The following HTR2C variants were observed in gnomAD, a reference collection of about 807,000 sequenced individuals.
HTR2C encodes 5-hydroxytryptamine receptor 2C.
HTR2C carries 5 observed loss-of-function variants against 21.0 expected under a neutral mutation model. The ratio of observed to expected loss-of-function variants is 0.24; its 90% CI spans 0.12 to 0.50. The LOEUF is 0.50. Ranked by LOEUF, HTR2C falls within the 20% of genes least tolerant of loss-of-function variation. The probability of loss-of-function intolerance (pLI) is 0.98; values close to 1 mark genes in which losing one functional copy is unlikely to be tolerated. For missense variants in HTR2C, 271 were observed against 371.2 expected, an observed-to-expected ratio of 0.73 and a Z score of 2.22; for synonymous variants, 150 against 145.3, an observed-to-expected ratio of 1.03 and a Z score of -0.23.
chrX:114,692,260 T>A (rs781799352), intron 2 of HTR2C, among the ~76,000 whole-genome samples: 24 of 111,919 alleles, frequency 2.1e-4, no homozygotes, highest in Non-Finnish European at 2.8e-4. Context: ...TCAGAAATAC[T>A]TATTCCTGCC....
At chrX:114,605,570 A>G (rs1928377235) in intron 1 of HTR2C, among the ~76,000 whole-genome samples, 1 of 111,372 alleles carries the variant, frequency 9.0e-6, no homozygotes, top group Admixed American at 9.6e-5. Context: ...TTTTATGACA[A>G]GAATTATTTA....
chrX:114,852,589 C>A (rs1188217961), intron 5 of HTR2C, among the ~76,000 whole-genome samples: 2 of 111,568 alleles, frequency 1.8e-5, no homozygotes, highest in Non-Finnish European at 1.9e-5. Context: ...ATGCACCCAA[C>A]TTTATCATGT....
chrX:114,608,811 C>T (rs1394382335), intron 1 of HTR2C, among the ~76,000 whole-genome samples: 1 of 111,554 alleles, frequency 9.0e-6, no homozygotes, highest in Non-Finnish European at 1.9e-5. Flanking sequence ...AATTTCTAGT[C>T]CATTTCTTTC....
chrX:114,664,270 CATATGCAA>C (rs1263182105), intron 2 of HTR2C, among the ~76,000 whole-genome samples: 2 of 111,658 alleles, frequency 1.8e-5, no homozygotes, highest in African/African-American at 6.5e-5. Flanking sequence ...AAGTTTGTTA[CATATGCAA>C]ATATGTGCTA....
In HTR2C at chrX:114,865,702, T is replaced by G. The variant is rs1417233194; in HGVS notation, c.550+17499T>G. Among the ~76,000 whole-genome samples the G allele has an allele frequency of 5.4e-5, 6 of 112,067 alleles. No individual in the cohort carries two copies. The Admixed American group carries it at 5.7e-4, about 11-fold the overall frequency. ...AGGGTAAAAGTGTCTGGTTGATTAT[T>G]TTTCTCATTTTTATTAGATTGTTTG... On this transcript the variant is annotated intron_variant, in intron 5 of 5. Transcript: ENST00000276198.
intron 4 of HTR2C, among the ~76,000 whole-genome samples, chrX:114,749,453 C>CAAAAAAAAAAAAAAAAAAAAAAAA (rs782652879): frequency 2.4e-5 from 1 of 41,900 alleles, no homozygotes; most frequent in Non-Finnish European, 3.7e-5. Flanking sequence ...GTCCATGTCT[C>CAAAAAAAAAAAAAAAAAAAAAAAA]AAAAAAAAAA....
At chrX:114,845,558 A>G (rs782497422) in intron 4 of HTR2C, among the ~76,000 whole-genome samples, 8 of 111,442 alleles carry the variant, frequency 7.2e-5, no homozygotes, top group Non-Finnish European at 1.1e-4. Context: ...ATATAAGGAC[A>G]ATTAATAAAA....
intron 5 of HTR2C, among the ~76,000 whole-genome samples, chrX:114,879,420 AC>A (rs2071163589): frequency 9.1e-6 from 1 of 109,420 alleles, no homozygotes; most frequent in Non-Finnish European, 1.9e-5. Flanking sequence ...TCTTATGAAA[AC>A]TTTTTATCTA....
chrX:114,778,327 A>C (rs986519134), intron 4 of HTR2C, among the ~76,000 whole-genome samples: 1 of 111,745 alleles, frequency 8.9e-6, no homozygotes, highest in African/African-American at 3.3e-5. Flanking sequence ...TGAGGGTTAG[A>C]GGTTAAGCTC....
intron 2 of HTR2C, among the ~76,000 whole-genome samples, chrX:114,666,972 T>G (rs782215743): frequency 4.5e-5 from 5 of 111,185 alleles, no homozygotes; most frequent in Admixed American, 9.7e-5. Flanking sequence ...ATATTCATTT[T>G]CTACTATATT....
intron 2 of HTR2C, among the ~76,000 whole-genome samples, chrX:114,723,577 T>C (rs1252396383): frequency 9.2e-6 from 1 of 108,322 alleles, no homozygotes; most frequent in African/African-American, 3.3e-5. Flanking sequence ...GTGTTTGCTC[T>C]TGCTTTTCTA....
intron 2 of HTR2C, among the ~76,000 whole-genome samples, chrX:114,693,579 C>T (rs1556415393): frequency 9.0e-6 from 1 of 111,535 alleles, no homozygotes; most frequent in African/African-American, 3.3e-5. Context: ...TTGTCCTGTG[C>T]ACTGCAGGTT....
intron 4 of HTR2C, among the ~76,000 whole-genome samples, chrX:114,828,283 G>A (rs1465045268): frequency 9.0e-6 from 1 of 110,682 alleles, no homozygotes; most frequent in Non-Finnish European, 1.9e-5. Context: ...CAAGCTTTCA[G>A]TTGGTTCTTT....
intron 1 of HTR2C, among the ~76,000 whole-genome samples, chrX:114,601,108 C>A (rs1390792862): frequency 8.9e-6 from 1 of 112,015 alleles, no homozygotes; most frequent in Non-Finnish European, 1.9e-5. Flanking sequence ...GAAACTGTCA[C>A]TAGTTTTTTA....
intron 1 of HTR2C, among the ~76,000 whole-genome samples, chrX:114,595,194 C>T (rs1401973464): frequency 9.0e-6 from 1 of 111,313 alleles, no homozygotes; most frequent in Non-Finnish European, 1.9e-5. Context: ...TTCAAACAAA[C>T]CCATGAGTTC....
At chrX:114,750,717 T>C (rs1556427829) in intron 4 of HTR2C, among the ~76,000 whole-genome samples, 2 of 112,181 alleles carry the variant, frequency 1.8e-5, no homozygotes, top group African/African-American at 6.5e-5. Context: ...TATTGTAGAG[T>C]AGGAATTTTA....
intron 5 of HTR2C, among the ~76,000 whole-genome samples, chrX:114,851,622 CT>C (rs1436075047): frequency 2.7e-5 from 3 of 111,402 alleles, no homozygotes; most frequent in Non-Finnish European, 5.7e-5. Flanking sequence ...CTCCTGGATT[CT>C]TTTGTATTCA....
chrX:114,889,968 A>T (rs1157979826), intron 5 of HTR2C, among the ~76,000 whole-genome samples: 7 of 111,483 alleles, frequency 6.3e-5, no homozygotes, highest in Non-Finnish European at 1.3e-4. Context: ...GTTAGTTTTT[A>T]TAGTTCTGAT....
chrX:114,896,654 C>A (rs917480263), intron 5 of HTR2C, among the ~76,000 whole-genome samples: 5 of 111,935 alleles, frequency 4.5e-5, no homozygotes, highest in Admixed American at 3.8e-4. Flanking sequence ...AATAATATAG[C>A]CATGCTACCT....
Sources: allele counts gnomAD v4.1 joint callset (sites outside exome capture counted in the v4.1 genomes callset), GRCh38; gene constraint gnomAD v4.1.1; transcripts MANE v1.5; gene names NCBI Gene and HGNC (gene_info 2026-07-23, HGNC 2026-07-21).